HSH2D: variants seen among roughly 807,000 people sequenced by gnomAD.
The protein encoded by HSH2D is hematopoietic SH2 domain-containing protein.
HSH2D carries 16 observed loss-of-function variants against 21.5 expected under a neutral mutation model. The observed-to-expected ratio is 0.74, with a 90% CI of 0.50 to 1.13. HSH2D has a LOEUF of 1.13. Among genes scored for constraint, HSH2D ranks in the 50% most tolerant of loss-of-function variants. The probability of loss-of-function intolerance (pLI) is 0.00; values close to 1 mark genes in which losing one functional copy is unlikely to be tolerated. For missense variants in HSH2D, 418 were observed against 441.4 expected (o/e 0.95, Z 0.47); for synonymous variants, 172 against 184.7 (o/e 0.93, Z 0.56).
At chr19:16,148,123 T>C (rs1032759693) in intron 1 of HSH2D, among the ~76,000 whole-genome samples, 1 of 152,070 alleles carries the variant, frequency 6.6e-6, no homozygotes, top group Non-Finnish European at 1.5e-5. Flanking sequence ...CACACCCAGC[T>C]AATTTTTAAA....
chr19:16,152,128 A>G (rs1394571731), intron 2 of HSH2D, among the ~76,000 whole-genome samples: 1 of 146,628 alleles, frequency 6.8e-6, no homozygotes, highest in South Asian at 2.1e-4. Context: ...AAAAAAAAGG[A>G]AAAAAGAGGC....
intron 1 of HSH2D, among the ~76,000 whole-genome samples, chr19:16,137,415 G>A (rs2090971273): frequency 6.6e-6 from 1 of 151,996 alleles, no homozygotes; most frequent in African/African-American, 2.4e-5. Context: ...ATCACTTGAG[G>A]TCAGGAGTTC....
At chr19:16,151,179 G>T (rs1395814426) in intron 2 of HSH2D, among the ~76,000 whole-genome samples, 1 of 151,986 alleles carries the variant, frequency 6.6e-6, no homozygotes, top group Non-Finnish European at 1.5e-5. Context: ...CAAAAAATTA[G>T]CTGGGCGTGG....
chr19:16,141,749 C>G (rs1264579214), upstream of HSH2D, among the ~76,000 whole-genome samples: 4 of 151,632 alleles, frequency 2.6e-5, no homozygotes, highest in Non-Finnish European at 4.4e-5. Flanking sequence ...CATAGTGAAA[C>G]CTTGTCTCTA....
chr19:16,140,988 C>A (rs2090996015), upstream of HSH2D, among the ~76,000 whole-genome samples: 1 of 152,176 alleles, frequency 6.6e-6, no homozygotes, highest in Admixed American at 6.5e-5. Flanking sequence ...GCCAGAGTCT[C>A]CCCCAGGCAA....
At chr19:16,156,798 G>A (rs1036607623) in intron 5 of HSH2D, among the ~76,000 whole-genome samples, 6 of 152,130 alleles carry the variant, frequency 3.9e-5, no homozygotes, top group African/African-American at 1.4e-4. Flanking sequence ...GACCACCAGG[G>A]CCAACATGGT....
chr19:16,134,619 C>G (rs566270596), intron 1 of HSH2D, among the ~76,000 whole-genome samples: 1 of 152,192 alleles, frequency 6.6e-6, no homozygotes, highest in East Asian at 1.9e-4. Flanking sequence ...AATGTCTCAT[C>G]GGCACCGTAA....
Position 16,157,158 on chromosome 19 carries a change from A to G in HSH2D, c.475-52A>G. 1.0e-5 allele frequency: 15 copies of G among 1,439,428 alleles called. No homozygotes were observed. The highest frequency in any genetic ancestry group is 1.4e-5 in the Non-Finnish European group (15 of 1,068,990). 89.2% of individuals were successfully genotyped at this position (1,439,428 alleles called of 1,614,324 possible). A position where few individuals can be genotyped will look rare whatever the true frequency, so the allele number is the denominator to read the frequency against. On this transcript the variant is annotated intron_variant, in intron 5 of 5. Transcript: ENST00000613986. This position sits in a 1 kb window ranked among gnomAD's most constrained non-coding sequence, Gnocchi z 4.4. The stretch of plus-strand genomic sequence containing the variant: ...CCAGGCTCCAATTTCTGGGACAGAC[A>G]TGGTGCTCTGGTGGGCAAGCTGCCC...
chr19:16,141,445 G>A (rs529769149), upstream of HSH2D, among the ~76,000 whole-genome samples: 11 of 152,276 alleles, frequency 7.2e-5, no homozygotes, highest in African/African-American at 2.4e-4. Context: ...ACGAGCACAC[G>A]GCCAGAGCTG....
At chr19:16,145,054 T>G (rs1254256677) in intron 1 of HSH2D, among the ~76,000 whole-genome samples, 1 of 133,536 alleles carries the variant, frequency 7.5e-6, no homozygotes, top group African/African-American at 3.4e-5. Context: ...TTTTTTTTTT[T>G]GTGAGACAGA....
At chr19:16,152,889 C>A in intron 3 of HSH2D, 154 bp from the exon 4 acceptor site, 1 of 911,262 alleles carries the variant, frequency 1.1e-6, no homozygotes, top group Non-Finnish European at 1.7e-6. Flanking sequence ...AGGTTAGTAA[C>A]CTGCTGGGTG....
chr19:16,152,700 G>C, intron 3 of HSH2D, 59 bp downstream of exon 3: 1 of 1,250,054 alleles, frequency 8.0e-7, no homozygotes, highest in African/African-American at 1.5e-5. Flanking sequence ...TTCCTTGGAG[G>C]GGGCAAGGGG....
At chr19:16,141,695 G>A (rs960458141), upstream of HSH2D, among the ~76,000 whole-genome samples, 3 of 151,982 alleles carry the variant, frequency 2.0e-5, no homozygotes, top group African/African-American at 4.8e-5. Context: ...AGGCTGAGGC[G>A]GGTGGATCAC....
chr19:16,158,091 C>A lies in HSH2D; in HGVS notation c.*297C>A. ...TCAGAGCAAGGCCCTCAGGGAGGGT[C>A]ATCCTCCATGTTTTGAAGAAGAGAC... On this transcript the variant is annotated 3_prime_UTR_variant, in exon 6 of 6. Transcript: ENST00000613986. The A allele has an allele frequency of 3.2e-6, 1 of 308,006 alleles. No individual in the cohort carries two copies. Among genetic ancestry groups the A allele is most frequent in the Non-Finnish European group, 6.0e-6 (1 of 167,378 alleles). The allele number at this position is 308,006 out of a possible 1,614,324, so 19.1% of individuals were successfully genotyped here.
At chr19:16,143,531 C>G, upstream of HSH2D, 1 of 277,144 alleles carries the variant, frequency 3.6e-6, no homozygotes, top group Non-Finnish European at 7.5e-6. Context: ...TAACAACTTG[C>G]TGGGGGCAAG....
At chr19:16,141,123 A>G (rs756059412), upstream of HSH2D, among the ~76,000 whole-genome samples, 26 of 152,366 alleles carry the variant, frequency 1.7e-4, no homozygotes, top group Non-Finnish European at 3.2e-4. Context: ...AAGGAGGGCT[A>G]TTATGCCCAT....
At chr19:16,150,405 G>A (rs1382900615) in intron 2 of HSH2D, among the ~76,000 whole-genome samples, 3 of 152,196 alleles carry the variant, frequency 2.0e-5, no homozygotes, top group African/African-American at 7.2e-5. Context: ...CAGGCGTGGT[G>A]GCGCATGCCT....
intron 2 of HSH2D, among the ~76,000 whole-genome samples, chr19:16,151,765 G>GAAAAA (rs746775825): frequency 1.6e-5 from 1 of 61,318 alleles, no homozygotes; most frequent in East Asian, 5.5e-4. Flanking sequence ...TGCCACAGCT[G>GAAAAA]AAAAAAAAAA....
At chr19:16,134,694 T>G (rs1425571544) in intron 1 of HSH2D, among the ~76,000 whole-genome samples, 18 of 152,000 alleles carry the variant, frequency 1.2e-4, no homozygotes, top group Admixed American at 1.2e-3. Context: ...AGCTGACCCC[T>G]CCCGAGTTGT....
Sources: allele counts gnomAD v4.1 joint callset (sites outside exome capture counted in the v4.1 genomes callset), GRCh38; gene constraint gnomAD v4.1.1; non-coding constraint Gnocchi (gnomAD v3.1); transcripts MANE v1.5; gene names NCBI Gene and HGNC (gene_info 2026-07-23, HGNC 2026-07-21).